Variants in ZNF431 observed in about 807,000 individuals in gnomAD.
The protein encoded by ZNF431 is zinc finger protein 431.
In ZNF431, 34 loss-of-function variants were observed where a neutral mutation model predicts 57.0. That is an observed-to-expected ratio of 0.60 (90% CI 0.45 to 0.79). ZNF431 has a LOEUF of 0.79. Among genes scored for constraint, ZNF431 ranks in the 30% least tolerant of loss-of-function variants. ZNF431 has a pLI of 0.00. For synonymous variants in ZNF431, 207 were observed against 220.3 expected, an observed-to-expected ratio of 0.94 and a Z score of 0.54; for missense variants, 607 against 667.1, an observed-to-expected ratio of 0.91 and a Z score of 0.99.
At chr19:21,168,434 T>G (rs1970786346) in intron 4 of ZNF431, among the ~76,000 whole-genome samples, 1 of 152,108 alleles carries the variant, frequency 6.6e-6, no homozygotes, top group African/African-American at 2.4e-5. Context: ...TGGCACAATC[T>G]TGGCTCACTG....
intron 4 of ZNF431, among the ~76,000 whole-genome samples, chr19:21,174,835 C>G (rs184490127): frequency 1.3e-5 from 2 of 151,924 alleles, no homozygotes; most frequent in African/African-American, 2.4e-5. Flanking sequence ...GCAATGGCAT[C>G]GATCTCTGCT....
At position 21,187,913 on chromosome 19, in the gene ZNF431, G is replaced by C. The variant is rs1004926075; in HGVS notation, c.*3879G>C. On this transcript the variant is annotated 3_prime_UTR_variant, in exon 5 of 5. Coordinates refer to ENST00000311048, the MANE Select transcript of ZNF431 (RefSeq NM_133473.4). ...CTTTGTAGATTTTGATGAGGAAGTTGGTATTTTTAGTGCACACAAAAATTG... is the reference window on the plus strand; with the variant it reads ...CTTTGTAGATTTTGATGAGGAAGTTCGTATTTTTAGTGCACACAAAAATTG... 6.6e-6 allele frequency: 1 copy of C among 151,992 alleles called. No individual in the cohort carries two copies. The highest frequency in any genetic ancestry group is 1.5e-5 in the Non-Finnish European group (1 of 67,990). 9.4% of individuals were successfully genotyped at this position (151,992 alleles called of 1,614,324 possible).
Position 21,184,941 on chromosome 19 carries a change from A to G in ZNF431, c.*907A>G, listed in dbSNP as rs898666668. 6.6e-6 allele frequency: 1 copy of G among 152,222 alleles called. No individual in the cohort carries two copies. Among genetic ancestry groups the G allele is most frequent in the Non-Finnish European group, 1.5e-5 (1 of 68,032 alleles). The allele number at this position is 152,222 out of a possible 1,614,324, so 9.4% of individuals were successfully genotyped here. On this transcript the variant is annotated 3_prime_UTR_variant, in exon 5 of 5. Transcript: ENST00000311048. Reference sequence around the variant, plus strand: ...TTTGTAGACATTTTCTTCTAGAGGAAAACTCTGAAGCAGTTGATCAAACTT... The same window carrying G: ...TTTGTAGACATTTTCTTCTAGAGGAGAACTCTGAAGCAGTTGATCAAACTT...
rs377115946 is a variant in ZNF431 at position 21,143,620 on chromosome 19, C to G, written c.73C>G (p.Leu25Val). 3 of 1,613,378 alleles carry G rather than the reference C, an allele frequency of 1.9e-6. No homozygotes were observed. Among genetic ancestry groups the G allele is most frequent in the Non-Finnish European group, 2.5e-6 (3 of 1,179,508 alleles). The change falls in exon 2 of 5, where the codon CTA (leucine) becomes GTA (valine). Residue 25 changes from leucine (L) to valine (V), a missense_variant. Coordinates refer to ENST00000311048, the MANE Select transcript of ZNF431 (RefSeq NM_133473.4). ...SGCPGAERNLLVYSYFEKETL... is the reference protein window; with the variant it reads ...SGCPGAERNLVVYSYFEKETL... Reference sequence around the variant, plus strand: ...ATGCCCTGGGGCTGAGAGGAATCTTCTAGTTTACTCTTATTTTGAAAAGGT... The same window carrying G: ...ATGCCCTGGGGCTGAGAGGAATCTTGTAGTTTACTCTTATTTTGAAAAGGT...
intron 1 of ZNF431, 128 bp from the exon 2 acceptor site, chr19:21,143,423 A>G (rs1323876553): frequency 5.6e-6 from 4 of 710,360 alleles, no homozygotes; most frequent in African/African-American, 5.4e-5. Context: ...ATGTGTCCTC[A>G]GCCACCTTTT....
rs759898481 is a variant in ZNF431, at chr19:21,188,514, T to A, written c.*4480T>A. Reference sequence around the variant, plus strand: ...AGAATCTTTTATTTTTAAGTGTGAGTGTTAAAGGTTACAAAATAATGAAAT... The same window carrying A: ...AGAATCTTTTATTTTTAAGTGTGAGAGTTAAAGGTTACAAAATAATGAAAT... On this transcript the variant is annotated 3_prime_UTR_variant, in exon 5 of 5. Transcript: ENST00000311048. 1 of 152,126 alleles carries A rather than the reference T, an allele frequency of 6.6e-6. No homozygotes were observed. The highest frequency in any genetic ancestry group is 1.5e-5 in the Non-Finnish European group (1 of 68,022). The allele number at this position is 152,126 out of a possible 1,614,324, so 9.4% of individuals were successfully genotyped here.
In ZNF431 at chr19:21,182,832, C is replaced by T. The variant is rs763804682; in HGVS notation, c.529C>T (p.Pro177Ser). The change falls in exon 5 of 5, where the codon CCA (proline) becomes TCA (serine). Residue 177 changes from proline to serine, a missense_variant. Pro to Ser is a moderately conservative substitution (Grantham distance 74). Coordinates refer to ENST00000311048, the MANE Select transcript of ZNF431 (RefSeq NM_133473.4). ...GACAACTACCCAGAGCAAAATATTT[C>T]CATGTGATAAATATGTGAAAGTCTT... Reference protein sequence around the residue: ...CLTTTQSKIFPCDKYVKVFHK... With the variant: ...CLTTTQSKIFSCDKYVKVFHK... 5 of 1,613,938 alleles carry T rather than the reference C, an allele frequency of 3.1e-6. No individual in the cohort carries two copies. In the Admixed American group the frequency reaches 6.7e-5, roughly 22 times the overall value.
At position 21,142,072 on chromosome 19, in the gene ZNF431, C is replaced by A. The variant is rs770280749; in HGVS notation, c.-112C>A. On this transcript the variant is annotated 5_prime_UTR_variant, in exon 1 of 5. Coordinates refer to ENST00000311048, the MANE Select transcript of ZNF431 (RefSeq NM_133473.4). ...GCCGCAGCCTGAGCTCCAGGTCTCCCCTTCGCTGCTCTGTGTCCTCTGCTC... is the reference window on the plus strand; with the variant it reads ...GCCGCAGCCTGAGCTCCAGGTCTCCACTTCGCTGCTCTGTGTCCTCTGCTC... 2.9e-5 allele frequency: 42 copies of A among 1,429,716 alleles called. No homozygotes were observed. The Middle Eastern group carries it at 5.3e-4, about 18-fold the overall frequency. The allele number at this position is 1,429,716 out of a possible 1,614,324, so 88.6% of individuals were successfully genotyped here.
At chr19:21,171,772 G>C (rs541171997) in intron 4 of ZNF431, among the ~76,000 whole-genome samples, 95 of 135,254 alleles carry the variant, frequency 7.0e-4, no homozygotes, top group African/African-American at 2.5e-3. Flanking sequence ...CCAGGCTGGT[G>C]TGCAGTGGCA....
At chr19:21,177,980 CCT>C (rs1394411954) in intron 4 of ZNF431, among the ~76,000 whole-genome samples, 1 of 151,744 alleles carries the variant, frequency 6.6e-6, no homozygotes, top group African/African-American at 2.4e-5. Flanking sequence ...TTGTTTGTGT[CCT>C]CTCTGATTTT....
chr19:21,157,246 T>G (rs1970440403), intron 2 of ZNF431, among the ~76,000 whole-genome samples: 1 of 152,182 alleles, frequency 6.6e-6, no homozygotes, highest in African/African-American at 2.4e-5. Context: ...CAAGCAATTC[T>G]CCTGCTTCAG....
In ZNF431 at chr19:21,149,301, A is replaced by G. The variant is rs536278220; in HGVS notation, c.96+5658A>G. ...ATTTATGACCTTGAAATATTTGGTAAATCTAATATGTGACCTATATAACTT... is the reference window on the plus strand; with the variant it reads ...ATTTATGACCTTGAAATATTTGGTAGATCTAATATGTGACCTATATAACTT... On this transcript the variant is annotated intron_variant, in intron 2 of 4. Transcript: ENST00000311048. Among the ~76,000 whole-genome samples, 42 of 152,300 alleles carry G rather than the reference A, an allele frequency of 2.8e-4. No homozygotes were observed. The South Asian group carries it at 4.3e-3, about 16-fold the overall frequency.
chr19:21,175,586 CG>C (rs1411034032), intron 4 of ZNF431: 75 of 534,476 alleles, frequency 1.4e-4, no homozygotes, highest in African/African-American at 5.9e-4. Flanking sequence ...TCTCCCTCCC[CG>C]TGACAGACCC....
intron 4 of ZNF431, among the ~76,000 whole-genome samples, chr19:21,171,473 T>G (rs1322801343): frequency 6.6e-6 from 1 of 152,028 alleles, no homozygotes; most frequent in Non-Finnish European, 1.5e-5. Context: ...TTGTATACTT[T>G]AAGTCAATGT....
chr19:21,154,991 G>T (rs1368206823), intron 2 of ZNF431, among the ~76,000 whole-genome samples: 1 of 152,160 alleles, frequency 6.6e-6, no homozygotes, highest in African/African-American at 2.4e-5. Flanking sequence ...TCTGATGGTG[G>T]TTTCTTTTGC....
intron 3 of ZNF431, 142 bp downstream of exon 3, chr19:21,166,603 G>A (rs545536717): frequency 7.2e-5 from 74 of 1,034,526 alleles, no homozygotes; most frequent in East Asian, 4.9e-4. Flanking sequence ...TGATTTGTCC[G>A]TGTGGAAAAG....
intron 2 of ZNF431, among the ~76,000 whole-genome samples, chr19:21,160,962 C>T (rs1215853424): frequency 6.6e-6 from 1 of 152,020 alleles, no homozygotes; most frequent in Non-Finnish European, 1.5e-5. Context: ...GAGGTCAAAA[C>T]ATCAAGACTA....
rs1971559316 is a variant in ZNF431 at position 21,194,039 on chromosome 19, AT to A, written c.*10006del. The stretch of plus-strand genomic sequence containing the variant: ...TAAATCTAACAAAATGAAAAAATAA[AT>A]GGCATCCAAATAGGAAAAGAAGAAG... On this transcript the variant is annotated 3_prime_UTR_variant, in exon 5 of 5. Coordinates refer to ENST00000311048, the MANE Select transcript of ZNF431 (RefSeq NM_133473.4). The A allele has an allele frequency of 6.6e-6, 1 of 152,184 alleles. No individual in the cohort carries two copies. The highest frequency in any genetic ancestry group is 1.5e-5 in the Non-Finnish European group (1 of 68,024). 9.4% of individuals were successfully genotyped at this position (152,184 alleles called of 1,614,324 possible). A position where few individuals can be genotyped will look rare whatever the true frequency, so the allele number is the denominator to read the frequency against.
chr19:21,191,331 T>A lies in ZNF431; in HGVS notation c.*7297T>A, dbSNP rs1971506037. On this transcript the variant is annotated 3_prime_UTR_variant, in exon 5 of 5. Coordinates refer to ENST00000311048, the MANE Select transcript of ZNF431 (RefSeq NM_133473.4). ...AGCCGGGCGTGGTTGCACGTGTCTA[T>A]AATCTCAGCTACTCAGGAGGCTGAG... 3 of 151,996 alleles carry A rather than the reference T, an allele frequency of 2.0e-5. No individual in the cohort carries two copies. The South Asian group carries it at 6.2e-4, about 32-fold the overall frequency. The allele number at this position is 151,996 out of a possible 1,614,324, so 9.4% of individuals were successfully genotyped here.
Sources: gnomAD v4.1 joint callset for allele counts (sites outside exome capture counted in the v4.1 genomes callset) on GRCh38, gnomAD v4.1.1 for gene constraint, MANE v1.5 for transcripts, NCBI Gene and HGNC (gene_info 2026-07-23, HGNC 2026-07-21) for gene names.